NRXN1: variants seen among roughly 807,000 people sequenced by gnomAD.
NRXN1 encodes neurexin 1.
NRXN1 carries 39 observed loss-of-function variants against 150.9 expected under a neutral mutation model. The observed-to-expected ratio is 0.26, with a 90% CI of 0.20 to 0.34. The LOEUF (loss-of-function observed/expected upper bound fraction) is 0.34. Among genes scored for constraint, NRXN1 ranks in the 10% least tolerant of loss-of-function variants. NRXN1 has a pLI of 1.00. For missense variants in NRXN1, 1,815 were observed against 1,949.9 expected (o/e 0.93, Z 1.30); for synonymous variants, 924 against 757.0 (o/e 1.22, Z -3.62).
rs540815830 is a variant in NRXN1, at chr2:50,015,800, G to GT, written c.4128+37470dup. Among the ~76,000 whole-genome samples the GT allele has an allele frequency of 3.9e-4, 59 of 152,002 alleles. 1 individual carries two copies. In the South Asian group the frequency reaches 7.7e-3, roughly 20 times the overall value. ...AAAGCACACTGACAGCCAAAAGCATGTTTTTTTTCCATTCCAGAAAGTTCT... is the reference window on the plus strand; with the variant it reads ...AAAGCACACTGACAGCCAAAAGCATGTTTTTTTTTCCATTCCAGAAAGTTCT... On this transcript the variant is annotated intron_variant, in intron 21 of 22. Transcript: ENST00000401669.
chr2:50,184,943 T>C (rs2060969171), intron 18 of NRXN1, among the ~76,000 whole-genome samples: 1 of 152,076 alleles, frequency 6.6e-6, no homozygotes, highest in South Asian at 2.1e-4. Context: ...GAAGTCTGGT[T>C]CCAAAAGCCT....
At chr2:50,979,807 C>T (rs1040507623) in intron 2 of NRXN1, among the ~76,000 whole-genome samples, 1 of 152,096 alleles carries the variant, frequency 6.6e-6, no homozygotes, top group Non-Finnish European at 1.5e-5. Flanking sequence ...TTATATTTCC[C>T]TAAGTTTCTT....
At chr2:50,760,444 CCAGA>C (rs2105379197) in intron 5 of NRXN1, among the ~76,000 whole-genome samples, 1 of 151,890 alleles carries the variant, frequency 6.6e-6, no homozygotes, top group African/African-American at 2.4e-5. Context: ...CTTCTCAGAC[CCAGA>C]CAGAGCCTCA....
At chr2:50,681,847 C>T (rs939755302) in intron 5 of NRXN1, among the ~76,000 whole-genome samples, 26 of 149,722 alleles carry the variant, frequency 1.7e-4, no homozygotes, top group African/African-American at 6.4e-4. Flanking sequence ...TGATAGTTAC[C>T]TCATGGCTGG....
chr2:50,387,745 A>G (rs1386242850), intron 17 of NRXN1, among the ~76,000 whole-genome samples: 1 of 152,122 alleles, frequency 6.6e-6, no homozygotes, highest in Admixed American at 6.6e-5. Flanking sequence ...GGCATTTTCA[A>G]AAAAAACAGG....
At chr2:50,886,225 G>A (rs545864399) in intron 5 of NRXN1, among the ~76,000 whole-genome samples, 1 of 150,914 alleles carries the variant, frequency 6.6e-6, no homozygotes, top group African/African-American at 2.4e-5. Flanking sequence ...TAAAAATAAA[G>A]GCCCATAGAA....
chr2:50,891,040 G>C (rs894277237), intron 5 of NRXN1, among the ~76,000 whole-genome samples: 2 of 151,844 alleles, frequency 1.3e-5, no homozygotes, highest in African/African-American at 4.8e-5. Context: ...TTACTACTTA[G>C]GGGCTTAGAT....
At position 50,952,170 on chromosome 2, in the gene NRXN1, T is replaced by G. The variant is rs879169036; in HGVS notation, c.773-26215A>C. Among the ~76,000 whole-genome samples the G allele has an allele frequency of 1.3e-4, 19 of 150,894 alleles. No individual in the cohort carries two copies. The East Asian group carries it at 3.7e-3, about 30-fold the overall frequency. On this transcript the variant is annotated intron_variant, in intron 2 of 22. Transcript: ENST00000401669. ...TTTAGTAGAGACGGGGTTTCACCGT[T>G]TTAGCCGGGATGGTCTCGATCTCCT...
intron 5 of NRXN1, among the ~76,000 whole-genome samples, chr2:50,687,892 T>TGTGAGG (rs996450608): frequency 9.9e-5 from 15 of 152,134 alleles, no homozygotes; most frequent in African/African-American, 3.6e-4. Context: ...AGGACACTCA[T>TGTGAGG]GTGAGGCTTT....
chr2:51,030,468 C>T (rs1204974850), intron 1 of NRXN1, among the ~76,000 whole-genome samples: 2 of 151,822 alleles, frequency 1.3e-5, no homozygotes, highest in Non-Finnish European at 2.9e-5. Flanking sequence ...AGCTGAGAGC[C>T]ACCAAGCTAG....
chr2:50,373,713 G>GAAAGAAAGAAAGAA (rs1558620756), intron 17 of NRXN1, among the ~76,000 whole-genome samples: 1 of 141,442 alleles, frequency 7.1e-6, no homozygotes, highest in African/African-American at 2.7e-5. Context: ...GAAAGAAAGA[G>GAAAGAAAGAAAGAA]AAAGAAAGAC....
chr2:50,293,039 C>G (rs1023847902), intron 17 of NRXN1, among the ~76,000 whole-genome samples: 4 of 152,150 alleles, frequency 2.6e-5, no homozygotes, highest in African/African-American at 9.7e-5. Flanking sequence ...ACATATCCAT[C>G]CATTATCTGT....
At chr2:50,508,750 C>T (rs570552474) in intron 12 of NRXN1, among the ~76,000 whole-genome samples, 1 of 152,114 alleles carries the variant, frequency 6.6e-6, no homozygotes, top group Non-Finnish European at 1.5e-5. Context: ...ATTTCCATAA[C>T]AACAGGCATA....
At chr2:50,697,181 C>A (rs759760923) in intron 5 of NRXN1, among the ~76,000 whole-genome samples, 3 of 152,152 alleles carry the variant, frequency 2.0e-5, no homozygotes, top group Non-Finnish European at 4.4e-5. Context: ...GAATATTTTG[C>A]ACACGTAATT....
At chr2:50,110,019 T>G (rs774611339) in intron 18 of NRXN1, among the ~76,000 whole-genome samples, 1 of 152,186 alleles carries the variant, frequency 6.6e-6, no homozygotes, top group Non-Finnish European at 1.5e-5. Flanking sequence ...CAAGTCTATG[T>G]TTACTATGTA....
chr2:50,748,360 T>C (rs1235640393), intron 5 of NRXN1, among the ~76,000 whole-genome samples: 1 of 152,152 alleles, frequency 6.6e-6, no homozygotes, highest in South Asian at 2.1e-4. Context: ...AATATCTCTA[T>C]GAATAAAATG....
At position 50,182,691 on chromosome 2, in the gene NRXN1, C is replaced by T. The variant is rs544418695; in HGVS notation, c.3546+54098G>A. 9.2e-5 allele frequency among the ~76,000 whole-genome samples: 14 copies of T among 152,160 alleles called. 1 individual carries two copies. The East Asian group carries it at 2.7e-3, about 29-fold the overall frequency. On this transcript the variant is annotated intron_variant, in intron 18 of 22. Coordinates refer to ENST00000401669, the MANE Select transcript of NRXN1 (RefSeq NM_001330078.2). ...GCCATCCTCTACAATGCTGGAAATT[C>T]ACAATCATGAATATTATACAGGGAG... is the stretch of plus-strand genomic sequence containing the variant.
At chr2:50,909,666 T>C (rs986860376) in intron 5 of NRXN1, among the ~76,000 whole-genome samples, 3 of 151,850 alleles carry the variant, frequency 2.0e-5, no homozygotes, top group African/African-American at 7.3e-5. Context: ...TTTATCTCAC[T>C]CTCTCATAAC....
intron 5 of NRXN1, among the ~76,000 whole-genome samples, chr2:50,649,676 T>C (rs1649407195): frequency 6.6e-6 from 1 of 151,940 alleles, no homozygotes; most frequent in Non-Finnish European, 1.5e-5. Flanking sequence ...TATCACTTGA[T>C]TGTTGAGAAG....
Sources: gnomAD v4.1 joint callset for allele counts (sites outside exome capture counted in the v4.1 genomes callset) on GRCh38, gnomAD v4.1.1 for gene constraint, MANE v1.5 for transcripts, NCBI Gene and HGNC (gene_info 2026-07-23, HGNC 2026-07-21) for gene names.